CELSR2: variants seen among roughly 807,000 people sequenced by gnomAD.
The protein encoded by CELSR2 is EGF-like protein 2.
A neutral mutation model predicts 251.6 loss-of-function variants in CELSR2; 81 were observed. The observed-to-expected ratio is 0.32, with a 90% CI of 0.27 to 0.39. The LOEUF is 0.39. CELSR2 is among the 10% of genes least tolerant of loss of function. CELSR2 has a pLI of 1.00. For synonymous variants in CELSR2, 1,721 were observed against 1,670.5 expected (o/e 1.03, Z -0.74); for missense variants, 3,365 against 3,947.7 (o/e 0.85, Z 3.96).
chr1:109,268,591 G>T lies in CELSR2; in HGVS notation c.6329G>T (p.Arg2110Leu). ...QDVHFTENLL[R>L]VGSALLDTAN... ...CCTTGCCCACCCCAGAATCTGCTGC[G>T]GGTGGGCAGCGCCCTCCTGGACACA... Residue 2110 changes from arginine to leucine, a missense_variant, in exon 18 of 34, where the codon CGG (arginine) becomes CTG (leucine). Physicochemically the swap from Arg to Leu is moderately radical, Grantham distance 102. Transcript: ENST00000271332. The T allele has an allele frequency of 6.8e-6, 11 of 1,609,580 alleles. 1 individual carries two copies.
At position 109,273,429 on chromosome 1, in the gene CELSR2, C is replaced by G. The variant is rs754784498; in HGVS notation, c.8510-7C>G. 6.2e-7 allele frequency: 1 copy of G among 1,610,642 alleles called. No homozygotes were observed. Among genetic ancestry groups the G allele is most frequent in the South Asian group, 1.1e-5 (1 of 90,682 alleles). On this transcript the variant is annotated splice_region_variant and splice_polypyrimidine_tract_variant and intron_variant, in intron 32 of 33. Transcript: ENST00000271332. Reference sequence around the variant, plus strand: ...GCCGCACCTCACAGCCCCGCCCCGGCCCACAGGCATCCTTAAGAAGAAGTG... The same window carrying G: ...GCCGCACCTCACAGCCCCGCCCCGGGCCACAGGCATCCTTAAGAAGAAGTG...
chr1:109,268,191 C>A, intron 17 of CELSR2, 131 bp downstream of exon 17: 1 of 1,335,790 alleles, frequency 7.5e-7, no homozygotes, highest in Non-Finnish European at 1.0e-6. Context: ...GGCAGGAGGC[C>A]TCCATGAAAC....
chr1:109,270,567 A>G lies in CELSR2; in HGVS notation c.7450A>G (p.Met2484Val), dbSNP rs752826860. ...VNTGPMRFYY[M>V]LGWGVPAFIT... ...CACCGGCCCCATGCGCTTCTACTAC[A>G]TGCTGGGCTGGGGCGTGCCTGCCTT... The change falls in exon 24 of 34, where the codon ATG becomes GTG. Residue 2484 changes from methionine (M) to valine (V), a missense_variant. This residue lies in a region of CELSR2 where 2,093 missense variants were observed against 2,382.8 expected (regional missense o/e 0.88). Transcript: ENST00000271332. 1.9e-5 allele frequency: 31 copies of G among 1,613,938 alleles called. No homozygotes were observed. The highest frequency in any genetic ancestry group is 2.5e-5 in the Non-Finnish European group (29 of 1,180,004).
chr1:109,267,661 C>T lies in CELSR2; in HGVS notation c.6108+19C>T, dbSNP rs779700467. ...GGGCTTCGTAAGTGAACCCCCTCAT[C>T]TCCATCTTTTCCCTGTCCTTCGTCC... On this transcript the variant is annotated intron_variant, in intron 16 of 33. Transcript: ENST00000271332. 2 of 1,613,532 alleles carry T rather than the reference C, an allele frequency of 1.2e-6. No homozygotes were observed. The highest frequency in any genetic ancestry group is 3.3e-5 in the Admixed American group (2 of 59,978).
At position 109,268,948 on chromosome 1, in the gene CELSR2, C is replaced by T. The variant is rs1289428862; in HGVS notation, c.6571C>T (p.Arg2191Cys). Residue 2191 changes from arginine to cysteine, a missense_variant, in exon 19 of 34, where the codon CGT becomes TGT. Physicochemically the swap from Arg to Cys is radical, Grantham distance 180. Coordinates refer to ENST00000271332, the MANE Select transcript of CELSR2 (RefSeq NM_001408.3). ...GAKLPRYEAL[R>C]GEQPPDLETT... ...CAAGCTGCCCCGCTACGAGGCCCTGCGTGGGGAGCAGCCCCCGGACCTTGA... is the reference window on the plus strand; with the variant it reads ...CAAGCTGCCCCGCTACGAGGCCCTGTGTGGGGAGCAGCCCCCGGACCTTGA... 3 of 1,613,466 alleles carry T rather than the reference C, an allele frequency of 1.9e-6. No homozygotes were observed. The highest frequency in any genetic ancestry group is 1.3e-5 in the African/African-American group (1 of 75,016).
At position 109,252,958 on chromosome 1, in the gene CELSR2, T is replaced by C; in HGVS notation, c.2879T>C (p.Ile960Thr). The C allele has an allele frequency of 6.2e-7, 1 of 1,612,482 alleles. No homozygotes were observed. Among genetic ancestry groups the C allele is most frequent in the East Asian group, 2.2e-5 (1 of 44,844 alleles). ...ACCAATGCCCAGATTATGTACCAGATTGTGGAGGGCAACATCCCTGAGGTC... is the reference window on the plus strand; with the variant it reads ...ACCAATGCCCAGATTATGTACCAGACTGTGGAGGGCAACATCCCTGAGGTC... ...EGTNAQIMYQ[I>T]VEGNIPEVFQ... Residue 960 changes from isoleucine (I) to threonine (T), a missense_variant, in exon 1 of 34, where the codon ATT (isoleucine) becomes ACT (threonine). Transcript: ENST00000271332. The surrounding 1 kb of genome is among the most constrained non-coding windows in gnomAD (Gnocchi z 4.8).
intron 30 of CELSR2, 33 bp from the exon 31 acceptor site, chr1:109,272,800 T>C: frequency 6.2e-7 from 1 of 1,613,094 alleles, no homozygotes; most frequent in Non-Finnish European, 8.5e-7. Flanking sequence ...TGGAGGTGGC[T>C]GGGCTGGCTG....
At position 109,272,362 on chromosome 1, in the gene CELSR2, C is replaced by A. The variant is rs766353674; in HGVS notation, c.8011C>A (p.Arg2671Ser). ...DSAGSLHSTS[R>S]SGKSQPSYIP... is the part of the protein sequence containing the mutation. ...GGCCGGCTCTCTGCACAGCACCAGT[C>A]GCTCGGGCAAGAGTCAGCCCAGCTA... The change falls in exon 29 of 34, where the codon CGC becomes AGC. Residue 2671 changes from arginine (R) to serine (S), a missense_variant. By Grantham distance (110) the Arg-to-Ser change is moderately radical. This residue lies in a region of CELSR2 where 2,093 missense variants were observed against 2,382.8 expected (regional missense o/e 0.88). Coordinates refer to ENST00000271332, the MANE Select transcript of CELSR2 (RefSeq NM_001408.3). 67 of 1,612,378 alleles carry A rather than the reference C, an allele frequency of 4.2e-5. No individual in the cohort carries two copies. In the Middle Eastern group the frequency reaches 1.6e-3, roughly 40 times the overall value.
rs763455014 is a variant in CELSR2, at chr1:109,262,349, C to A, written c.4449C>A (p.Thr1483=). 8.1e-6 allele frequency: 13 copies of A among 1,614,044 alleles called. No homozygotes were observed. Among genetic ancestry groups the A allele is most frequent in the Non-Finnish European group, 1.0e-5 (12 of 1,180,036 alleles). ...CAGAGCAGAAGGTGGCTGTGGTGAC[C>A]GTGGATGGCTGTGACACAGGAGTGG... is the stretch of plus-strand genomic sequence containing the variant. The part of the protein sequence containing the change: ...GPSEQKVAVV[T]VDGCDTGVAL... Residue 1483 remains threonine (T), a synonymous_variant, in exon 6 of 34, where the codon ACC becomes ACA. Coordinates refer to ENST00000271332, the MANE Select transcript of CELSR2 (RefSeq NM_001408.3).
In CELSR2 at chr1:109,272,341, G is replaced by A. The variant is rs773564041; in HGVS notation, c.7990G>A (p.Gly2664Ser). The change falls in exon 29 of 34, where the codon GGC becomes AGC. Residue 2664 changes from glycine (G) to serine (S), a missense_variant. Physicochemically the swap from Gly to Ser is moderately conservative, Grantham distance 56. Transcript: ENST00000271332. ...GTACCAGCCCTACGGAGACTCGGCC[G>A]GCTCTCTGCACAGCACCAGTCGCTC... ...RLYQPYGDSA[G>S]SLHSTSRSGK... 137 of 1,612,414 alleles carry A rather than the reference G, an allele frequency of 8.5e-5. 2 individuals carry two copies. The South Asian group carries it at 1.3e-3, about 16-fold the overall frequency.
chr1:109,270,414 C>G lies in CELSR2; in HGVS notation c.7309-12C>G, dbSNP rs778710655. 55 of 1,613,894 alleles carry G rather than the reference C, an allele frequency of 3.4e-5. No individual in the cohort carries two copies. The highest frequency in any genetic ancestry group is 6.6e-5 in the South Asian group (6 of 91,080). ...GCCCCGGTCGCTGACCTGCCCTGGC[C>G]TGGGCCCTCAGTTTGCCTGCACAGT... On this transcript the variant is annotated splice_polypyrimidine_tract_variant and intron_variant, in intron 23 of 33. Coordinates refer to ENST00000271332, the MANE Select transcript of CELSR2 (RefSeq NM_001408.3).
Position 109,268,079 on chromosome 1 carries a change from A to G in CELSR2, c.6318+19A>G, listed in dbSNP as rs778091614. On this transcript the variant is annotated intron_variant, in intron 17 of 33. Transcript: ENST00000271332. The stretch of plus-strand genomic sequence containing the variant: ...CACTGAGGTGGGGCTTGGAGGATGC[A>G]GGGCTGGCTGGTTAGATAGGGGTCA... 2 of 1,577,772 alleles carry G rather than the reference A, an allele frequency of 1.3e-6. No homozygotes were observed. Among genetic ancestry groups the G allele is most frequent in the South Asian group, 1.1e-5 (1 of 90,056 alleles).
intron 8 of CELSR2, 124 bp downstream of exon 8, chr1:109,263,391 G>C: frequency 6.3e-6 from 9 of 1,437,938 alleles, no homozygotes; most frequent in Non-Finnish European, 7.4e-6. Context: ...AAGCGTGTCT[G>C]GGCAGAGCCC....
At chr1:109,259,304 T>C (rs1031968594) in intron 2 of CELSR2, among the ~76,000 whole-genome samples, 1 of 152,174 alleles carries the variant, frequency 6.6e-6, no homozygotes, top group Non-Finnish European at 1.5e-5. Context: ...GCAGTGCCAT[T>C]GTGGGCAGAG....
intron 23 of CELSR2, 88 bp from the exon 24 acceptor site, chr1:109,270,338 C>A: frequency 6.8e-7 from 1 of 1,472,738 alleles, no homozygotes; most frequent in South Asian, 1.2e-5. Flanking sequence ...GTTCCCAACA[C>A]CCAGGCCCTC....
Position 109,263,677 on chromosome 1 carries a change from T to C in CELSR2, c.4901T>C (p.Ile1634Thr). The stretch of plus-strand genomic sequence containing the variant: ...GCCTGGCATGGCCTCTCGCTGCCCA[T>C]CTCCCAACCCTGGTACCTCAGCCTC... ...LVAWHGLSLP[I>T]SQPWYLSLMF... is the part of the protein sequence containing the mutation. Residue 1634 changes from isoleucine to threonine, a missense_variant, in exon 9 of 34, where the codon ATC becomes ACC. By Grantham distance (89) the Ile-to-Thr change is moderately conservative (BLOSUM62 -1). Around this residue, in one of 5 missense-constraint regions of CELSR2, gnomAD observed 2,093 missense variants for 2,382.8 expected, o/e 0.88. Transcript: ENST00000271332. 5 of 1,613,950 alleles carry C rather than the reference T, an allele frequency of 3.1e-6. No homozygotes were observed. The highest frequency in any genetic ancestry group is 4.2e-6 in the Non-Finnish European group (5 of 1,179,970).
At chr1:109,259,173 C>T (rs1274963474) in intron 2 of CELSR2, 94 bp downstream of exon 2, 2 of 1,139,980 alleles carry the variant, frequency 1.8e-6, no homozygotes, top group African/African-American at 1.5e-5. Context: ...CTGCCTCATT[C>T]TCTTCCCGAG....
In CELSR2 at chr1:109,250,250, C is replaced by T; in HGVS notation, c.171C>T (p.Leu57=). ...SSGACAPMGW[L]CPSSASNLWL... Reference sequence around the variant, plus strand: ...GGGCCTGCGCCCCCATGGGCTGGCTCTGTCCATCCTCAGCGTCGAACCTCT... The same window carrying T: ...GGGCCTGCGCCCCCATGGGCTGGCTTTGTCCATCCTCAGCGTCGAACCTCT... The change falls in exon 1 of 34, where the codon CTC becomes CTT. Residue 57 remains leucine, a synonymous_variant. Transcript: ENST00000271332. This position sits in a 1 kb window ranked among gnomAD's most constrained non-coding sequence, Gnocchi z 4.4. 4 of 1,611,530 alleles carry T rather than the reference C, an allele frequency of 2.5e-6. No homozygotes were observed. Among genetic ancestry groups the T allele is most frequent in the Non-Finnish European group, 2.5e-6 (3 of 1,179,084 alleles).
rs767289958 is a variant in CELSR2, at chr1:109,264,998, C to T, written c.5595C>T (p.Tyr1865=). 2.5e-6 allele frequency: 4 copies of T among 1,614,098 alleles called. No individual in the cohort carries two copies. Among genetic ancestry groups the T allele is most frequent in the Non-Finnish European group, 3.4e-6 (4 of 1,180,044 alleles). ...GTCCCCCAAATTACCTTGGGCCATA[C>T]TGTGAGACCAGGTAAGCAGACCAGG... ...CECPPNYLGP[Y]CETRIDQPCP... is the part of the protein sequence containing the mutation. Residue 1865 remains tyrosine, a synonymous_variant, in exon 12 of 34, where the codon TAC becomes TAT. Coordinates refer to ENST00000271332, the MANE Select transcript of CELSR2 (RefSeq NM_001408.3).
Sources: allele counts gnomAD v4.1 joint callset (sites outside exome capture counted in the v4.1 genomes callset), GRCh38; gene constraint gnomAD v4.1.1; regional missense constraint gnomAD v4.1.1; non-coding constraint Gnocchi (gnomAD v3.1); transcripts MANE v1.5; gene names NCBI Gene and HGNC (gene_info 2026-07-23, HGNC 2026-07-21).